Variants in PCNX2 observed in about 807,000 individuals in gnomAD.
PCNX2 encodes the protein pecanex 2, also known as pecanex-like protein 2.
Under a neutral mutation model 223.8 loss-of-function variants are expected in PCNX2, and 168 were observed. That is an observed-to-expected ratio of 0.75 (90% CI 0.66 to 0.85). PCNX2 has a LOEUF of 0.85. Among genes scored for constraint, PCNX2 ranks in the 40% least tolerant of loss-of-function variants. The pLI, the probability that PCNX2 is intolerant of heterozygous loss-of-function variation, is 0.00. For missense variants in PCNX2, 2,507 were observed against 2,675.5 expected (o/e 0.94, Z 1.39); for synonymous variants, 1,006 against 1,052.6 (o/e 0.96, Z 0.86).
chr1:233,241,120 G>A, intron 8 of PCNX2: 1 of 955,558 alleles, frequency 1.0e-6, no homozygotes. Context: ...GCACTGTTCT[G>A]AAAACCATAA....
chr1:233,139,683 T>G lies in PCNX2; in HGVS notation c.3659+31A>C. On this transcript the variant is annotated intron_variant, in intron 20 of 33. Coordinates refer to ENST00000258229, the MANE Select transcript of PCNX2 (RefSeq NM_014801.4). This position sits in a 1 kb window ranked among gnomAD's most constrained non-coding sequence, Gnocchi z 4.4. The stretch of plus-strand genomic sequence containing the variant: ...CTCGATTTTGAAAATGTGACCCAAA[T>G]CATTATGAAGATAAACCATTAACCA... 6.4e-7 allele frequency: 1 copy of G among 1,553,766 alleles called. No individual in the cohort carries two copies. Among genetic ancestry groups the G allele is most frequent in the Non-Finnish European group, 8.7e-7 (1 of 1,147,108 alleles).
In PCNX2 at chr1:233,160,286, TC is replaced by T; in HGVS notation, c.3513del (p.Arg1172GlufsTer6). On this transcript the variant is annotated frameshift_variant, in exon 19 of 34. Coordinates refer to ENST00000258229, the MANE Select transcript of PCNX2 (RefSeq NM_014801.4). LOFTEE classifies it high-confidence loss of function. The part of the protein sequence containing the change: ...LKNKEYHQRE[V>X]RDVAHLMWFE... ...AAATGAGGGATATATTACTAACCTCTCACTTCCCGTTGATGATACTCTTTGT... is the reference window on the plus strand; with the variant it reads ...AAATGAGGGATATATTACTAACCTCTACTTCCCGTTGATGATACTCTTTGT... The T allele has an allele frequency of 6.2e-7, 1 of 1,610,340 alleles. No individual in the cohort carries two copies. Among genetic ancestry groups the T allele is most frequent in the Non-Finnish European group, 8.5e-7 (1 of 1,177,352 alleles).
rs770679169 is a variant in PCNX2 at position 233,227,350 on chromosome 1, C to A, written c.2380G>T (p.Ala794Ser). ...CCTTGTGTTGAAGAACATGACGAGG[C>A]TTCCAGATCCTGACTCACATGCTTT... ...TPRHVSQDLE[A>S]SSCSSTQGKF... Residue 794 changes from alanine (A) to serine (S), a missense_variant, in exon 10 of 34, where the codon GCC becomes TCC. Physicochemically the swap from Ala to Ser is moderately conservative, Grantham distance 99. Transcript: ENST00000258229. 3 of 1,613,152 alleles carry A rather than the reference C, an allele frequency of 1.9e-6. No individual in the cohort carries two copies. The highest frequency in any genetic ancestry group is 2.5e-6 in the Non-Finnish European group (3 of 1,179,526).
At chr1:233,155,868 T>C (rs1444230270) in intron 19 of PCNX2, among the ~76,000 whole-genome samples, 1 of 152,220 alleles carries the variant, frequency 6.6e-6, no homozygotes. Flanking sequence ...AAAATATGAG[T>C]ACTCCTTTAA....
chr1:233,324,599 T>A, the PCNX2 span, among the ~76,000 whole-genome samples: 6 of 32,734 alleles, frequency 1.8e-4, no homozygotes, highest in South Asian at 9.6e-4. Flanking sequence ...TTTACTGAAA[T>A]TTTTTTTTTT....
chr1:233,028,812 C>T (rs1172133938), intron 25 of PCNX2, among the ~76,000 whole-genome samples: 1 of 145,832 alleles, frequency 6.9e-6, no homozygotes, highest in Non-Finnish European at 1.5e-5. Context: ...ATTTATCCAA[C>T]TTTTTAAATT....
At chr1:233,193,010 T>G (rs1680504990) in intron 15 of PCNX2, among the ~76,000 whole-genome samples, 2 of 147,402 alleles carry the variant, frequency 1.4e-5, no homozygotes, top group East Asian at 1.9e-4. Flanking sequence ...TTATATATAA[T>G]TATATATTAT....
At chr1:233,090,022 C>T (rs752886137) in intron 23 of PCNX2, 39 bp downstream of exon 23, 14 of 1,611,834 alleles carry the variant, frequency 8.7e-6, no homozygotes, top group South Asian at 4.4e-5. Context: ...GAAGTGCAAA[C>T]TGGAGAAAAG....
At chr1:233,156,593 C>T (rs571414435) in intron 19 of PCNX2, among the ~76,000 whole-genome samples, 13 of 151,974 alleles carry the variant, frequency 8.6e-5, no homozygotes, top group South Asian at 2.1e-4. Context: ...TTTAGGTGGT[C>T]GGGGCAAGAC....
At chr1:233,248,523 G>A (rs1558389479) in intron 8 of PCNX2, among the ~76,000 whole-genome samples, 3 of 151,896 alleles carry the variant, frequency 2.0e-5, no homozygotes, top group African/African-American at 4.8e-5. Context: ...GTTTGAGAAC[G>A]GTGTCAAAAC....
intron 28 of PCNX2, among the ~76,000 whole-genome samples, chr1:233,013,173 C>T (rs148988935): frequency 1.5e-3 from 222 of 152,292 alleles, no homozygotes; most frequent in Middle Eastern, 0.01. Flanking sequence ...CTAAAATAGG[C>T]ATTAACATGA....
In PCNX2 at chr1:233,001,085, G is replaced by C. The variant is rs1245936717; in HGVS notation, c.5097+452C>G. On this transcript the variant is annotated intron_variant, in intron 29 of 33. Coordinates refer to ENST00000258229, the MANE Select transcript of PCNX2 (RefSeq NM_014801.4). This position sits in a 1 kb window ranked among gnomAD's most constrained non-coding sequence, Gnocchi z 4.2. The stretch of plus-strand genomic sequence containing the variant: ...GTCTTGCACTGTCACCCAGGCTGGA[G>C]TGCAGTGGCGCAATCATAGATCACT... Among the ~76,000 whole-genome samples the C allele has an allele frequency of 2.6e-5, 4 of 152,026 alleles. No homozygotes were observed. Among genetic ancestry groups the C allele is most frequent in the African/African-American group, 9.7e-5 (4 of 41,382 alleles).
chr1:233,247,497 T>G (rs79020327), intron 8 of PCNX2, among the ~76,000 whole-genome samples: 2,495 of 152,336 alleles, frequency 0.016, 75 homozygotes, highest in African/African-American at 0.057. Flanking sequence ...TGTTTTGTTT[T>G]GTTTTTTGTA....
intron 32 of PCNX2, among the ~76,000 whole-genome samples, chr1:232,993,550 C>T (rs774746197): frequency 7.2e-5 from 11 of 152,152 alleles, no homozygotes; most frequent in Admixed American, 2.6e-4. Context: ...TGCAGCCTGA[C>T]GATGGAGTAG....
At chr1:233,017,857 C>A (rs1670740294) in intron 26 of PCNX2, among the ~76,000 whole-genome samples, 2 of 152,208 alleles carry the variant, frequency 1.3e-5, no homozygotes. Context: ...CAGCCCCATC[C>A]TTTCTGAGAA....
chr1:233,069,927 A>G (rs987654246), intron 23 of PCNX2, among the ~76,000 whole-genome samples: 3 of 152,154 alleles, frequency 2.0e-5, no homozygotes, highest in Non-Finnish European at 2.9e-5. Context: ...TCAAAGAGCC[A>G]AAGAGCTGGT....
At position 232,984,254 on chromosome 1, in the gene PCNX2, G is replaced by A; in HGVS notation, c.*50C>T. On this transcript the variant is annotated 3_prime_UTR_variant, in exon 34 of 34. Coordinates refer to ENST00000258229, the MANE Select transcript of PCNX2 (RefSeq NM_014801.4). ...TTTGGGGAGCACGAGGGAGAGCAAT[G>A]CAGGTGGGAGGTGTGGGGGAGCCAG... 2.7e-6 allele frequency: 4 copies of A among 1,505,186 alleles called. No individual in the cohort carries two copies. The highest frequency in any genetic ancestry group is 3.6e-6 in the Non-Finnish European group (4 of 1,125,532). 93.2% of individuals were successfully genotyped at this position (1,505,186 alleles called of 1,614,324 possible).
chr1:233,150,019 CT>C (rs1344405901), intron 19 of PCNX2, among the ~76,000 whole-genome samples: 1 of 152,062 alleles, frequency 6.6e-6, no homozygotes, highest in East Asian at 1.9e-4. Flanking sequence ...TCCCAACCCC[CT>C]ATGTGTTTCT....
intron 21 of PCNX2, among the ~76,000 whole-genome samples, chr1:233,124,082 CCTT>C (rs761834949): frequency 1.3e-5 from 2 of 152,192 alleles, no homozygotes; most frequent in Admixed American, 1.3e-4. Flanking sequence ...CTGCACTGGT[CCTT>C]CTTCTCCTCA....
Sources: allele counts gnomAD v4.1 joint callset (sites outside exome capture counted in the v4.1 genomes callset), GRCh38; gene constraint gnomAD v4.1.1; non-coding constraint Gnocchi (gnomAD v3.1); transcripts MANE v1.5; gene names NCBI Gene and HGNC (gene_info 2026-07-23, HGNC 2026-07-21).